DTL: variants seen among roughly 807,000 people sequenced by gnomAD.
The protein encoded by DTL is denticleless protein homolog.
DTL carries 46 observed loss-of-function variants against 87.0 expected under a neutral mutation model. The ratio of observed to expected loss-of-function variants is 0.53; its 90% confidence interval spans 0.42 to 0.68. The LOEUF (loss-of-function observed/expected upper bound fraction) is 0.68, where lower values mean the gene tolerates loss of function less well. Among genes scored for constraint, DTL ranks in the 30% least tolerant of loss-of-function variants. DTL has a pLI of 0.00. For missense variants in DTL, 737 were observed against 869.4 expected, an observed-to-expected ratio of 0.85 and a Z score of 1.91; for synonymous variants, 308 against 311.2, an observed-to-expected ratio of 0.99 and a Z score of 0.11.
intron 6 of DTL, among the ~76,000 whole-genome samples, chr1:212,063,614 T>C (rs1330577184): frequency 6.6e-6 from 1 of 152,174 alleles, no homozygotes; most frequent in African/African-American, 2.4e-5. Context: ...TTAGATTGAA[T>C]TAAACATAAG....
At chr1:212,044,104 A>G (rs1465923718) in intron 2 of DTL, among the ~76,000 whole-genome samples, 1 of 152,138 alleles carries the variant, frequency 6.6e-6, no homozygotes, top group East Asian at 1.9e-4. Context: ...CTAATAGACT[A>G]TTACATAGTC....
intron 13 of DTL, among the ~76,000 whole-genome samples, chr1:212,099,220 TTTTG>T (rs138191220): frequency 0.038 from 5,792 of 151,348 alleles, 119 homozygotes; most frequent in Non-Finnish European, 0.043. Flanking sequence ...TCACACTGTT[TTTTG>T]TTTGTTTGTT....
Position 212,100,263 on chromosome 1 carries a change from A to G in DTL, c.1273A>G (p.Ser425Gly). ...CTCCTCTTTTTCAGTAACAGTAACG[A>G]GTAGCCAGAGTACTCCTGCCAAAGC... ...ESRPGLVTVT[S>G]SQSTPAKAPR... Residue 425 changes from serine (S) to glycine (G), a missense_variant, in exon 14 of 15, where the codon AGT (serine) becomes GGT (glycine). Transcript: ENST00000366991. The G allele has an allele frequency of 1.3e-6, 2 of 1,557,678 alleles. No homozygotes were observed. Among genetic ancestry groups the G allele is most frequent in the Non-Finnish European group, 1.7e-6 (2 of 1,155,210 alleles).
intron 5 of DTL, among the ~76,000 whole-genome samples, chr1:212,057,950 A>G (rs528562704): frequency 6.6e-6 from 1 of 152,206 alleles, no homozygotes; most frequent in Non-Finnish European, 1.5e-5. Context: ...CAGATAAAAC[A>G]GACTTTATGT....
At chr1:212,102,429 A>G (rs1455587000) in intron 14 of DTL, among the ~76,000 whole-genome samples, 2 of 152,316 alleles carry the variant, frequency 1.3e-5, no homozygotes, top group East Asian at 3.9e-4. Flanking sequence ...TGAAGCTAAC[A>G]TTTCTTAAAA....
intron 13 of DTL, among the ~76,000 whole-genome samples, chr1:212,093,327 G>A (rs1420379627): frequency 6.6e-6 from 1 of 152,176 alleles, no homozygotes; most frequent in Admixed American, 6.5e-5. Flanking sequence ...TAGTTTTGCT[G>A]TCTATAGGCG....
intron 5 of DTL, among the ~76,000 whole-genome samples, chr1:212,056,988 A>T (rs1668196426): frequency 2.0e-5 from 3 of 152,200 alleles, no homozygotes; most frequent in Admixed American, 6.5e-5. Context: ...TAAAGCTTTC[A>T]TGGCATATGG....
intron 10 of DTL, among the ~76,000 whole-genome samples, chr1:212,070,015 G>A (rs1654624749): frequency 6.6e-6 from 1 of 152,156 alleles, no homozygotes; most frequent in African/African-American, 2.4e-5. Flanking sequence ...GGGAAGAGGT[G>A]TTTCTTTTGC....
At chr1:212,073,783 C>G (rs1179970653) in intron 11 of DTL, among the ~76,000 whole-genome samples, 1 of 152,060 alleles carries the variant, frequency 6.6e-6, no homozygotes, top group Non-Finnish European at 1.5e-5. Context: ...ATACTTGACT[C>G]CATCACAAGA....
chr1:212,059,590 C>G (rs1274215410), intron 5 of DTL, among the ~76,000 whole-genome samples: 1 of 152,042 alleles, frequency 6.6e-6, no homozygotes, highest in Non-Finnish European at 1.5e-5. Context: ...AGCTGGAAGC[C>G]TTTCCCTTGA....
chr1:212,072,038 C>G (rs1654689295), intron 10 of DTL, 63 bp from the exon 11 acceptor site: 9 of 1,121,226 alleles, frequency 8.0e-6, no homozygotes, highest in Admixed American at 1.7e-5. Flanking sequence ...TATATGCTGT[C>G]TATATCCATT....
intron 13 of DTL, among the ~76,000 whole-genome samples, chr1:212,083,611 G>A (rs906816814): frequency 2.3e-4 from 35 of 152,174 alleles, no homozygotes; most frequent in African/African-American, 8.4e-4. Context: ...AGAGTGAAAG[G>A]ACAAGATTAT....
chr1:212,060,974 AT>A (rs1373360700), intron 5 of DTL, among the ~76,000 whole-genome samples: 2 of 152,172 alleles, frequency 1.3e-5, no homozygotes, highest in African/African-American at 4.8e-5. Context: ...TTTGCAAACT[AT>A]TTATCTGATA....
intron 1 of DTL, among the ~76,000 whole-genome samples, chr1:212,038,317 C>G (rs1667546323): frequency 6.6e-6 from 1 of 152,178 alleles, no homozygotes. Context: ...ACCTGAGATT[C>G]ATTTCTATAA....
intron 1 of DTL, among the ~76,000 whole-genome samples, chr1:212,041,250 A>G (rs1017805813): frequency 2.6e-5 from 4 of 152,122 alleles, no homozygotes; most frequent in Non-Finnish European, 5.9e-5. Context: ...TGGTGTTTGG[A>G]TGTTAATTAT....
Position 212,080,693 on chromosome 1 carries a change from A to T in DTL, c.1204A>T (p.Lys402Ter). ...CTTAGAGGAGAAACCAGGAGGTGAT[A>T]AACTTTCCACGGTGGGTTGGGCCTC... Reference protein sequence around the residue: ...RGLEEKPGGDKLSTVGWASQK... With the variant: ...RGLEEKPGGD Residue 402 changes from lysine (K) to a stop codon, truncating the protein, a stop_gained, in exon 13 of 15, where the codon AAA (lysine) becomes TAA (stop). Coordinates refer to ENST00000366991, the MANE Select transcript of DTL (RefSeq NM_016448.4). LOFTEE classifies it high-confidence loss of function. The T allele has an allele frequency of 6.2e-7, 1 of 1,613,762 alleles. No homozygotes were observed. Among genetic ancestry groups the T allele is most frequent in the Non-Finnish European group, 8.5e-7 (1 of 1,179,676 alleles).
chr1:212,093,574 C>G (rs921071716), intron 13 of DTL, among the ~76,000 whole-genome samples: 1 of 152,164 alleles, frequency 6.6e-6, no homozygotes, highest in Non-Finnish European at 1.5e-5. Context: ...CCGACTGCCC[C>G]GACCAAACTG....
At chr1:212,055,322 C>T (rs539891560) in intron 5 of DTL, among the ~76,000 whole-genome samples, 10 of 152,236 alleles carry the variant, frequency 6.6e-5, no homozygotes, top group East Asian at 3.9e-4. Flanking sequence ...TTGATGCTCA[C>T]GGACCCTGAG....
rs912643742 is a variant in DTL, at chr1:212,044,711, G to A, written c.230G>A (p.Arg77Gln). The part of the protein sequence containing the change: ...LAVANEEGFV[R>Q]LYNTESQSFR... ...GTTGCCAATGAAGAAGGCTTTGTTC[G>A]ATTGTATAACACAGAATCACAAAGT... is the stretch of plus-strand genomic sequence containing the variant. The change falls in exon 3 of 15, where the codon CGA becomes CAA. Residue 77 changes from arginine to glutamine, a missense_variant. Transcript: ENST00000366991. 5 of 1,613,330 alleles carry A rather than the reference G, an allele frequency of 3.1e-6. No individual in the cohort carries two copies. Among genetic ancestry groups the A allele is most frequent in the Non-Finnish European group, 4.2e-6 (5 of 1,179,608 alleles).
Sources: allele counts gnomAD v4.1 joint callset (sites outside exome capture counted in the v4.1 genomes callset), GRCh38; gene constraint gnomAD v4.1.1; transcripts MANE v1.5; gene names NCBI Gene and HGNC (gene_info 2026-07-23, HGNC 2026-07-21).